Variants in LHFPL2 observed in about 807,000 individuals in gnomAD.
LHFPL2 encodes LHFPL tetraspan subfamily member 2, also known as LHFPL tetraspan subfamily member 2 protein.
LHFPL2 carries 7 observed loss-of-function variants against 17.5 expected under a neutral mutation model. That is an observed-to-expected ratio of 0.40 (90% CI 0.23 to 0.75). LHFPL2 has a LOEUF of 0.75. Ranked by LOEUF, LHFPL2 falls within the 30% of genes least tolerant of loss-of-function variation. The probability of loss-of-function intolerance (pLI) is 0.37; values close to 1 mark genes in which losing one functional copy is unlikely to be tolerated. For synonymous variants in LHFPL2, 134 were observed against 116.2 expected (o/e 1.15, Z -0.99); for missense variants, 241 against 294.8 (o/e 0.82, Z 1.34).
At chr5:78,504,233 C>G (rs1275516091) in intron 4 of LHFPL2, among the ~76,000 whole-genome samples, 1 of 152,174 alleles carries the variant, frequency 6.6e-6, no homozygotes, top group Non-Finnish European at 1.5e-5. Context: ...AAGGGCTGTT[C>G]CCTCTACTCT....
chr5:78,517,766 A>T (rs1224860294), intron 3 of LHFPL2, among the ~76,000 whole-genome samples: 1 of 152,172 alleles, frequency 6.6e-6, no homozygotes, highest in Non-Finnish European at 1.5e-5. Flanking sequence ...CTACAATTCA[A>T]ATGAGATTTG....
At chr5:78,577,245 C>T (rs1328673902) in intron 2 of LHFPL2, among the ~76,000 whole-genome samples, 1 of 152,206 alleles carries the variant, frequency 6.6e-6, no homozygotes, top group Non-Finnish European at 1.5e-5. Context: ...GATGCCCTAA[C>T]TGTATATGAA....
At chr5:78,600,468 C>T (rs927874062) in intron 2 of LHFPL2, among the ~76,000 whole-genome samples, 1 of 152,142 alleles carries the variant, frequency 6.6e-6, no homozygotes, top group Non-Finnish European at 1.5e-5. Flanking sequence ...GTGGCTCACA[C>T]CTGTAATCCC....
At chr5:78,627,690 G>A (rs1410693756) in intron 2 of LHFPL2, among the ~76,000 whole-genome samples, 8 of 152,136 alleles carry the variant, frequency 5.3e-5, no homozygotes, top group East Asian at 1.9e-4. Flanking sequence ...ACTCAGCAGG[G>A]CATTTATGAA....
intron 2 of LHFPL2, among the ~76,000 whole-genome samples, chr5:78,576,216 G>A (rs369981640): frequency 6.6e-6 from 1 of 151,750 alleles, no homozygotes; most frequent in East Asian, 1.9e-4. Flanking sequence ...AATGGCGTGA[G>A]CCCGGGAGGC....
chr5:78,525,531 T>G (rs900129223), intron 3 of LHFPL2, among the ~76,000 whole-genome samples: 1 of 152,216 alleles, frequency 6.6e-6, no homozygotes, highest in Non-Finnish European at 1.5e-5. Context: ...CTAAGCAGTC[T>G]GTACAGGGCA....
At chr5:78,495,316 A>G (rs944698642) in intron 4 of LHFPL2, among the ~76,000 whole-genome samples, 1 of 151,962 alleles carries the variant, frequency 6.6e-6, no homozygotes, top group Non-Finnish European at 1.5e-5. Context: ...CATGATTACT[A>G]CCCTCCTTCA....
chr5:78,618,155 C>T (rs777137702), intron 2 of LHFPL2, among the ~76,000 whole-genome samples: 12 of 151,726 alleles, frequency 7.9e-5, no homozygotes, highest in Non-Finnish European at 1.3e-4. Context: ...GAGCCAAGAT[C>T]GCACCACTGC....
intron 3 of LHFPL2, among the ~76,000 whole-genome samples, chr5:78,540,773 G>A (rs1741522076): frequency 6.6e-6 from 1 of 152,228 alleles, no homozygotes; most frequent in African/African-American, 2.4e-5. Context: ...GCAGACAATG[G>A]CTTATTGAAG....
chr5:78,556,199 G>A (rs1460238970), intron 3 of LHFPL2, among the ~76,000 whole-genome samples: 2 of 152,196 alleles, frequency 1.3e-5, no homozygotes, highest in East Asian at 3.8e-4. Flanking sequence ...ACACTTTTGT[G>A]TGAGTTAACA....
chr5:78,513,285 G>T (rs1755191742), intron 3 of LHFPL2, among the ~76,000 whole-genome samples: 1 of 152,148 alleles, frequency 6.6e-6, no homozygotes, highest in African/African-American at 2.4e-5. Context: ...AAATGCCTGA[G>T]AACAATTTGA....
intron 3 of LHFPL2, among the ~76,000 whole-genome samples, chr5:78,517,295 C>T (rs1006924995): frequency 1.3e-5 from 2 of 152,226 alleles, no homozygotes; most frequent in Non-Finnish European, 2.9e-5. Flanking sequence ...CCCATGCTCA[C>T]TGCCAAGTTT....
intron 3 of LHFPL2, among the ~76,000 whole-genome samples, chr5:78,524,815 C>A (rs867575679): frequency 1.1e-4 from 17 of 150,248 alleles, no homozygotes; most frequent in South Asian, 4.2e-4. Context: ...GAAATGTTTT[C>A]TCTTTGGAAA....
At chr5:78,567,825 T>C (rs192994534) in intron 2 of LHFPL2, among the ~76,000 whole-genome samples, 1 of 152,114 alleles carries the variant, frequency 6.6e-6, no homozygotes, top group Admixed American at 6.5e-5. Flanking sequence ...ATTTTAACTA[T>C]GAGGGAAACA....
intron 1 of LHFPL2, chr5:78,644,143 C>A: frequency 1.9e-6 from 1 of 524,074 alleles, no homozygotes; most frequent in Non-Finnish European, 3.4e-6. Flanking sequence ...ACAAAAAAGA[C>A]AATGTACAAT....
intron 1 of LHFPL2, chr5:78,644,242 A>C: frequency 1.4e-6 from 1 of 693,050 alleles, no homozygotes; most frequent in South Asian, 1.6e-5. Context: ...TATAGATAAG[A>C]AAAAAAAACT....
intron 3 of LHFPL2, among the ~76,000 whole-genome samples, chr5:78,547,293 T>C (rs777725643): frequency 1.8e-4 from 28 of 152,368 alleles, no homozygotes; most frequent in Middle Eastern, 3.4e-3. Context: ...TTCCTAAATG[T>C]TCCCAACATG....
chr5:78,611,502 G>A (rs563509973), intron 2 of LHFPL2, among the ~76,000 whole-genome samples: 19 of 152,258 alleles, frequency 1.2e-4, no homozygotes, highest in African/African-American at 2.9e-4. Flanking sequence ...AGGAAGTCCC[G>A]CCAGAATCCT....
intron 2 of LHFPL2, chr5:78,625,286 A>G (rs539782735): frequency 6.6e-6 from 1 of 152,374 alleles, no homozygotes; most frequent in African/African-American, 2.4e-5. Flanking sequence ...CATCCCTCTG[A>G]AAAGGCGGGG....
Sources: gnomAD v4.1 joint callset for allele counts (sites outside exome capture counted in the v4.1 genomes callset) on GRCh38, gnomAD v4.1.1 for gene constraint, MANE v1.5 for transcripts, NCBI Gene and HGNC (gene_info 2026-07-23, HGNC 2026-07-21) for gene names.